Variants in RAPGEF6 observed in about 807,000 individuals in gnomAD.
RAPGEF6 encodes Rap guanine nucleotide exchange factor 6.
Under a neutral mutation model 171.4 loss-of-function variants are expected in RAPGEF6, and 56 were observed. That is an observed-to-expected ratio of 0.33 (90% CI 0.26 to 0.41). RAPGEF6 has a LOEUF of 0.41. Ranked by LOEUF, RAPGEF6 falls within the 10% of genes least tolerant of loss-of-function variation. The pLI is 1.00. For missense variants in RAPGEF6, 1,674 were observed against 1,921.4 expected (o/e 0.87, Z 2.41); for synonymous variants, 692 against 650.1 (o/e 1.06, Z -0.98).
intron 24 of RAPGEF6, among the ~76,000 whole-genome samples, chr5:131,437,736 A>C (rs2149810168): frequency 6.6e-6 from 1 of 152,316 alleles, no homozygotes; most frequent in South Asian, 2.1e-4. Flanking sequence ...GTAAAATCTG[A>C]ATGAAAAAAA....
intron 7 of RAPGEF6, among the ~76,000 whole-genome samples, chr5:131,519,171 A>G (rs1480598345): frequency 6.6e-6 from 1 of 152,220 alleles, no homozygotes; most frequent in African/African-American, 2.4e-5. Context: ...TCTCATCCTC[A>G]GGTTGTCCAG....
At chr5:131,591,970 G>C (rs1319829944) in intron 4 of RAPGEF6, among the ~76,000 whole-genome samples, 3 of 152,112 alleles carry the variant, frequency 2.0e-5, no homozygotes, top group Non-Finnish European at 2.9e-5. Context: ...CGAGTCTCCT[G>C]CCTCAGCCTT....
chr5:131,549,554 A>T (rs1760778651), intron 5 of RAPGEF6, among the ~76,000 whole-genome samples: 1 of 152,192 alleles, frequency 6.6e-6, no homozygotes, highest in South Asian at 2.1e-4. Flanking sequence ...AATAAAAGTT[A>T]TGTGGGGGTG....
intron 21 of RAPGEF6, among the ~76,000 whole-genome samples, chr5:131,448,194 G>C (rs1415677831): frequency 6.6e-6 from 1 of 151,666 alleles, no homozygotes; most frequent in Admixed American, 6.5e-5. Context: ...GGGGAAGGAG[G>C]GTTCTGGAAA....
intron 1 of RAPGEF6, among the ~76,000 whole-genome samples, chr5:131,621,316 G>T (rs1033794108): frequency 5.3e-5 from 8 of 151,900 alleles, no homozygotes; most frequent in South Asian, 2.1e-4. Flanking sequence ...TTCAGACAGG[G>T]TCTCACTGTG....
chr5:131,575,157 C>T (rs982650323), intron 4 of RAPGEF6, among the ~76,000 whole-genome samples: 2 of 152,092 alleles, frequency 1.3e-5, no homozygotes, highest in Non-Finnish European at 2.9e-5. Flanking sequence ...CCCCTCATTC[C>T]AACCTCTTTT....
chr5:131,448,846 T>C (rs1384126762), intron 21 of RAPGEF6, among the ~76,000 whole-genome samples: 1 of 152,258 alleles, frequency 6.6e-6, no homozygotes, highest in South Asian at 2.1e-4. Flanking sequence ...TTCTTCTTTA[T>C]AATAGTAATG....
chr5:131,564,077 C>G (rs1156534335), intron 4 of RAPGEF6, among the ~76,000 whole-genome samples: 3 of 152,110 alleles, frequency 2.0e-5, no homozygotes, highest in South Asian at 2.1e-4. Flanking sequence ...TGCAATACAC[C>G]ATTTTACCAC....
intron 27 of RAPGEF6, 100 bp downstream of exon 27, chr5:131,428,802 T>C: frequency 1.6e-6 from 2 of 1,283,728 alleles, no homozygotes; most frequent in Non-Finnish European, 2.2e-6. Flanking sequence ...TCAAGGCATT[T>C]AAAGAAACAA....
chr5:131,601,885 AT>A (rs532822792), intron 3 of RAPGEF6, among the ~76,000 whole-genome samples: 76 of 152,148 alleles, frequency 5.0e-4, no homozygotes, highest in African/African-American at 1.8e-3. Flanking sequence ...TACAAAAAAA[AT>A]TAGCTGGGCA....
intron 18 of RAPGEF6, among the ~76,000 whole-genome samples, chr5:131,463,366 G>C (rs1310147468): frequency 6.6e-6 from 1 of 152,054 alleles, no homozygotes; most frequent in Non-Finnish European, 1.5e-5. Context: ...ATCACTTGAG[G>C]TAAGGAGTTT....
intron 6 of RAPGEF6, among the ~76,000 whole-genome samples, chr5:131,544,825 G>C (rs1760404166): frequency 6.6e-6 from 1 of 152,136 alleles, no homozygotes; most frequent in Non-Finnish European, 1.5e-5. Context: ...TGGGATTACA[G>C]GCAAGCGCCA....
At chr5:131,564,601 A>G (rs1436349062) in intron 4 of RAPGEF6, among the ~76,000 whole-genome samples, 1 of 152,242 alleles carries the variant, frequency 6.6e-6, no homozygotes, top group Non-Finnish European at 1.5e-5. Flanking sequence ...GATGACATCA[A>G]TAAAGAAACA....
chr5:131,476,633 G>A (rs777941701), intron 16 of RAPGEF6, among the ~76,000 whole-genome samples: 1 of 151,966 alleles, frequency 6.6e-6, no homozygotes, highest in Non-Finnish European at 1.5e-5. Flanking sequence ...GCTAATTTTT[G>A]TAGTTCTCTT....
chr5:131,481,457 T>TA (rs1755476360), intron 15 of RAPGEF6, among the ~76,000 whole-genome samples: 1 of 149,848 alleles, frequency 6.7e-6, no homozygotes, highest in Admixed American at 6.6e-5. Flanking sequence ...CTCGAACTTC[T>TA]AGGCTCAAGA....
chr5:131,503,833 T>C (rs192510704), intron 11 of RAPGEF6, among the ~76,000 whole-genome samples: 58 of 152,338 alleles, frequency 3.8e-4, no homozygotes, highest in Admixed American at 7.2e-4. Context: ...CTAAGGCTTT[T>C]GATTTACCTC....
chr5:131,477,427 G>T (rs958410387), intron 16 of RAPGEF6, among the ~76,000 whole-genome samples: 1 of 152,160 alleles, frequency 6.6e-6, no homozygotes, highest in African/African-American at 2.4e-5. Flanking sequence ...CAAAGCAAGA[G>T]ACCCAATAAT....
intron 3 of RAPGEF6, among the ~76,000 whole-genome samples, chr5:131,593,642 G>C (rs1763717620): frequency 6.6e-6 from 1 of 152,222 alleles, no homozygotes; most frequent in Non-Finnish European, 1.5e-5. Flanking sequence ...CTCAGATGGA[G>C]ATGAGGAACT....
chr5:131,511,151 T>C (rs541524922), intron 7 of RAPGEF6: 1 of 152,260 alleles, frequency 6.6e-6, no homozygotes, highest in African/African-American at 2.4e-5. Flanking sequence ...AACATATTAG[T>C]CTTACATATT....
Sources: gnomAD v4.1 joint callset for allele counts (sites outside exome capture counted in the v4.1 genomes callset) on GRCh38, gnomAD v4.1.1 for gene constraint, MANE v1.5 for transcripts, NCBI Gene and HGNC (gene_info 2026-07-23, HGNC 2026-07-21) for gene names.